The following TICAM1 variants were observed in gnomAD, a reference collection of about 807,000 sequenced individuals.
TICAM1 encodes TIR domain containing adaptor molecule 1.
For missense variants in TICAM1, 895 were observed against 938.2 expected (o/e 0.95, Z 0.60); for synonymous variants, 439 against 415.4 (o/e 1.06, Z -0.69).
intron 1 of TICAM1, among the ~76,000 whole-genome samples, chr19:4,821,345 A>G (rs563093385): frequency 6.6e-6 from 1 of 152,292 alleles, no homozygotes; most frequent in East Asian, 1.9e-4. Flanking sequence ...ATATATAAGC[A>G]TCATATATAT....
Position 4,820,677 on chromosome 19 carries a change from A to G in TICAM1, c.-139-2161T>C, listed in dbSNP as rs201495951. Among the ~76,000 whole-genome samples the G allele has an allele frequency of 3.0e-4, 46 of 151,940 alleles. 1 individual carries two copies. The East Asian group carries it at 8.9e-3, about 29-fold the overall frequency. ...CAGGAGTTCAAGACCAGCCTGGCCA[A>G]CATGGTGAAACCCTGTCTCTACTAA... On this transcript the variant is annotated intron_variant, in intron 1 of 1. Transcript: ENST00000248244.
At chr19:4,829,017 T>G (rs1054029271) in intron 1 of TICAM1, among the ~76,000 whole-genome samples, 1 of 152,066 alleles carries the variant, frequency 6.6e-6, no homozygotes, top group Non-Finnish European at 1.5e-5. Flanking sequence ...GTAATTTTAG[T>G]AGAGACAGGG....
intron 1 of TICAM1, among the ~76,000 whole-genome samples, chr19:4,820,055 T>C (rs1403985706): frequency 6.6e-6 from 1 of 152,052 alleles, no homozygotes; most frequent in African/African-American, 2.4e-5. Context: ...GAGATCTAGA[T>C]TTTTAGAAAT....
intron 1 of TICAM1, among the ~76,000 whole-genome samples, chr19:4,828,681 C>T (rs62116082): frequency 6.7e-6 from 1 of 149,622 alleles, no homozygotes; most frequent in Non-Finnish European, 1.5e-5. Context: ...TTACAGGAGC[C>T]TGCCACCACG....
In TICAM1 at chr19:4,825,335, T is replaced by A. The variant is rs535490710; in HGVS notation, c.-140+6279A>T. Among the ~76,000 whole-genome samples, 10 of 152,170 alleles carry A rather than the reference T, an allele frequency of 6.6e-5. No homozygotes were observed. In the South Asian group the frequency reaches 2.1e-3, roughly 32 times the overall value. On this transcript the variant is annotated intron_variant, in intron 1 of 1. Coordinates refer to ENST00000248244, the MANE Select transcript of TICAM1 (RefSeq NM_182919.4). Reference sequence around the variant, plus strand: ...GGTACGACAGTTATTACCTGTGTGATGGAATAATCTGTACACCAAACCCTG... The same window carrying A: ...GGTACGACAGTTATTACCTGTGTGAAGGAATAATCTGTACACCAAACCCTG...
chr19:4,816,983 G>C lies in TICAM1; in HGVS notation c.1395C>G (p.Ser465Arg). ...LLTSNFDCRL[S>R]LHQVNQAMMS... ...TCATGGCTTGGTTCACCTGGTGCAGGCTCAGGCGACAGTCGAAGTTGGAGG... is the reference window on the plus strand; with the variant it reads ...TCATGGCTTGGTTCACCTGGTGCAGCCTCAGGCGACAGTCGAAGTTGGAGG... The change falls in exon 2 of 2, where the codon AGC (serine) becomes AGG (arginine). Residue 465 changes from serine to arginine, a missense_variant. By Grantham distance (110) the Ser-to-Arg change is moderately radical. Coordinates refer to ENST00000248244, the MANE Select transcript of TICAM1 (RefSeq NM_182919.4). The surrounding 1 kb of genome is among the most constrained non-coding windows in gnomAD (Gnocchi z 4.3). 6.2e-7 allele frequency: 1 copy of C among 1,614,122 alleles called. No homozygotes were observed. The highest frequency in any genetic ancestry group is 8.5e-7 in the Non-Finnish European group (1 of 1,180,030).
chr19:4,827,255 G>A (rs1429757134), intron 1 of TICAM1, among the ~76,000 whole-genome samples: 1 of 151,340 alleles, frequency 6.6e-6, no homozygotes, highest in Non-Finnish European at 1.5e-5. Context: ...GGAGGCTGAG[G>A]CAGGAGAATC....
At position 4,818,239 on chromosome 19, in the gene TICAM1, C is replaced by A; in HGVS notation, c.139G>T (p.Val47Phe). 1.9e-6 allele frequency: 3 copies of A among 1,613,308 alleles called. No individual in the cohort carries two copies. The highest frequency in any genetic ancestry group is 2.5e-6 in the Non-Finnish European group (3 of 1,180,014). Residue 47 changes from valine to phenylalanine, a missense_variant, in exon 2 of 2, where the codon GTT (valine) becomes TTT (phenylalanine). Physicochemically the swap from Val to Phe is conservative, Grantham distance 50. Coordinates refer to ENST00000248244, the MANE Select transcript of TICAM1 (RefSeq NM_182919.4). This position sits in a 1 kb window ranked among gnomAD's most constrained non-coding sequence, Gnocchi z 4.0. ...CQGQDLLHAM[V>F]LLKLGQETEA... ...GTTTCCTGGCCCAGCTTCAGGAGAACCATGGCATGCAGGAGGTCCTGCCCC... is the reference window on the plus strand; with the variant it reads ...GTTTCCTGGCCCAGCTTCAGGAGAAACATGGCATGCAGGAGGTCCTGCCCC...
intron 1 of TICAM1, among the ~76,000 whole-genome samples, chr19:4,826,776 C>T (rs192515917): frequency 6.6e-6 from 1 of 152,234 alleles, no homozygotes; most frequent in East Asian, 1.9e-4. Context: ...ATAAGGGATA[C>T]AGCTGGATTG....
chr19:4,829,347 C>T (rs539934058), intron 1 of TICAM1, among the ~76,000 whole-genome samples: 19,005 of 52,914 alleles, frequency 0.36, 1,740 homozygotes, highest in African/African-American at 0.52. Context: ...TTCTCTCTGC[C>T]CCCCCGGGCC....
Position 4,818,550 on chromosome 19 carries a change from C to A in TICAM1, c.-139-34G>T. The A allele has an allele frequency of 7.4e-7, 1 of 1,359,616 alleles. No individual in the cohort carries two copies. Among genetic ancestry groups the A allele is most frequent in the Non-Finnish European group, 9.6e-7 (1 of 1,039,204 alleles). The allele number at this position is 1,359,616 out of a possible 1,614,324, so 84.2% of individuals were successfully genotyped here. On this transcript the variant is annotated intron_variant, in intron 1 of 1. Coordinates refer to ENST00000248244, the MANE Select transcript of TICAM1 (RefSeq NM_182919.4). This position sits in a 1 kb window ranked among gnomAD's most constrained non-coding sequence, Gnocchi z 4.0. ...AACAGGAGAAGCAAACACACTTACC[C>A]CCAAGAAAGGTCAGCACGGGAAGGC...
chr19:4,820,797 T>A (rs959221002), intron 1 of TICAM1, among the ~76,000 whole-genome samples: 1 of 151,920 alleles, frequency 6.6e-6, no homozygotes, highest in African/African-American at 2.4e-5. Flanking sequence ...GGCAGAAGAA[T>A]CGCTTGAACC....
At chr19:4,830,579 T>C (rs1227573535) in intron 1 of TICAM1, among the ~76,000 whole-genome samples, 1 of 152,194 alleles carries the variant, frequency 6.6e-6, no homozygotes, top group African/African-American at 2.4e-5. Context: ...GTCCAGGAAC[T>C]GTTCAAAGTG....
rs1403830160 is a variant in TICAM1 at position 4,817,426 on chromosome 19, T to C, written c.952A>G (p.Ile318Val). 1.2e-6 allele frequency: 2 copies of C among 1,613,878 alleles called. No homozygotes were observed. The highest frequency in any genetic ancestry group is 2.2e-5 in the East Asian group (1 of 44,886). ...CAGGGGTTTTTGACCGGCTCCAGAA[T>C]AGGCAAGGGGAGAGACTGGGGGCCT... ...SAGPQSLPLP[I>V]LEPVKNPCSV... The change falls in exon 2 of 2, where the codon ATT becomes GTT. Residue 318 changes from isoleucine to valine, a missense_variant. Physicochemically the swap from Ile to Val is conservative, Grantham distance 29. Coordinates refer to ENST00000248244, the MANE Select transcript of TICAM1 (RefSeq NM_182919.4). This position sits in a 1 kb window ranked among gnomAD's most constrained non-coding sequence, Gnocchi z 4.7.
At position 4,817,064 on chromosome 19, in the gene TICAM1, C is replaced by G; in HGVS notation, c.1314G>C (p.Glu438Asp). The G allele has an allele frequency of 6.2e-7, 1 of 1,614,142 alleles. No individual in the cohort carries two copies. The highest frequency in any genetic ancestry group is 1.3e-5 in the African/African-American group (1 of 75,066). ...CEDFQVPGRG[E>D]LSCLQDAIDH... The stretch of plus-strand genomic sequence containing the variant: ...CTATGGCGTCCTGCAGGCAGCTCAG[C>G]TCCCCGCGCCCCGGCACCTGGAAAT... Residue 438 changes from glutamate to aspartate, a missense_variant, in exon 2 of 2, where the codon GAG becomes GAC. Glu to Asp is a conservative substitution (Grantham distance 45). Transcript: ENST00000248244. The surrounding 1 kb of genome is among the most constrained non-coding windows in gnomAD (Gnocchi z 4.7).
At chr19:4,822,864 G>A (rs915657187) in intron 1 of TICAM1, among the ~76,000 whole-genome samples, 3 of 152,036 alleles carry the variant, frequency 2.0e-5, no homozygotes, top group Non-Finnish European at 2.9e-5. Context: ...ATTAGTATGG[G>A]GTATGACTGG....
At chr19:4,826,898 C>T (rs886251537) in intron 1 of TICAM1, among the ~76,000 whole-genome samples, 2 of 152,126 alleles carry the variant, frequency 1.3e-5, no homozygotes, top group African/African-American at 4.8e-5. Flanking sequence ...GCCTGAGAAA[C>T]AGCCTCACCT....
chr19:4,820,217 G>T lies in TICAM1; in HGVS notation c.-139-1701C>A, dbSNP rs140346562. ...GGGCAAATCACGAGATCAGGAGGTC[G>T]AGACCAGCCTGGCCAATATGGTGAA... On this transcript the variant is annotated intron_variant, in intron 1 of 1. Coordinates refer to ENST00000248244, the MANE Select transcript of TICAM1 (RefSeq NM_182919.4). Among the ~76,000 whole-genome samples the T allele has an allele frequency of 5.9e-3, 884 of 150,140 alleles. 12 individuals are homozygous for T. The highest frequency in any genetic ancestry group is 0.02 in the African/African-American group (802 of 40,848).
chr19:4,816,286 G>T lies in TICAM1; in HGVS notation c.2092C>A (p.Gln698Lys). The change falls in exon 2 of 2, where the codon CAG (glutamine) becomes AAG (lysine). Residue 698 changes from glutamine to lysine, a missense_variant. By Grantham distance (53) the Gln-to-Lys change is moderately conservative. Transcript: ENST00000248244. The surrounding 1 kb of genome is among the most constrained non-coding windows in gnomAD (Gnocchi z 4.3). ...TCCTCGGGCGCCTGGGACCCTCTCT[G>T]GTTCCACATGTGGTTGTTCAGCCCC... ...QLGLNNHMWNQRGSQAPEDKT... is the reference protein window; with the variant it reads ...QLGLNNHMWNKRGSQAPEDKT... 6.6e-7 allele frequency: 1 copy of T among 1,519,274 alleles called. No homozygotes were observed. The allele number at this position is 1,519,274 out of a possible 1,614,324, so 94.1% of individuals were successfully genotyped here.
Sources: gnomAD v4.1 joint callset for allele counts (sites outside exome capture counted in the v4.1 genomes callset) on GRCh38, gnomAD v4.1.1 for gene constraint, Gnocchi (gnomAD v3.1) non-coding constraint, MANE v1.5 for transcripts, NCBI Gene and HGNC (gene_info 2026-07-23, HGNC 2026-07-21) for gene names.